Variants in KLHL18 observed in about 807,000 individuals in gnomAD.
KLHL18 encodes kelch like family member 18.
A neutral mutation model predicts 58.5 loss-of-function variants in KLHL18; 38 were observed. The ratio of observed to expected loss-of-function variants is 0.65; its 90% confidence interval spans 0.50 to 0.85. The LOEUF (loss-of-function observed/expected upper bound fraction) is 0.85. Ranked by LOEUF, KLHL18 falls within the 40% of genes least tolerant of loss-of-function variation. The probability of loss-of-function intolerance (pLI) is 0.00; values close to 1 mark genes in which losing one functional copy is unlikely to be tolerated. For synonymous variants in KLHL18, 303 were observed against 301.9 expected (o/e 1.00, Z -0.04); for missense variants, 624 against 778.4 (o/e 0.80, Z 2.36).
chr3:47,286,037 C>A (rs767790598), intron 1 of KLHL18, among the ~76,000 whole-genome samples: 25 of 148,108 alleles, frequency 1.7e-4, no homozygotes, highest in African/African-American at 6.2e-4. Context: ...AAGACCCTGT[C>A]TCAAAAAAAA....
chr3:47,336,466 A>G (rs1020833627), intron 6 of KLHL18, 69 bp from the exon 7 acceptor site: 23 of 1,335,330 alleles, frequency 1.7e-5, no homozygotes, highest in East Asian at 2.4e-5. Flanking sequence ...CATATAATCA[A>G]TGCCCAATAG....
chr3:47,283,893 CCTGTTGGGCTTTAGCTGGAA>C (rs1225682257), intron 1 of KLHL18, among the ~76,000 whole-genome samples: 3 of 152,142 alleles, frequency 2.0e-5, no homozygotes, highest in Admixed American at 2.0e-4. Flanking sequence ...AGTGGGGCTC[CCTGTTGGGCTTTAGCTGGAA>C]AGCTCTCAGC....
chr3:47,299,265 TTAG>T (rs1702961092), intron 1 of KLHL18, among the ~76,000 whole-genome samples: 1 of 152,224 alleles, frequency 6.6e-6, no homozygotes, highest in African/African-American at 2.4e-5. Context: ...AACATTTAAA[TTAG>T]TAGACTTTAG....
chr3:47,287,588 C>G (rs760047801), intron 1 of KLHL18: 1 of 152,380 alleles, frequency 6.6e-6, no homozygotes, highest in Non-Finnish European at 1.5e-5. Context: ...CAGGTTCAAG[C>G]GATTCTCCTG....
At chr3:47,312,017 C>CT (rs1703313126) in intron 1 of KLHL18, among the ~76,000 whole-genome samples, 1 of 152,222 alleles carries the variant, frequency 6.6e-6, no homozygotes, top group African/African-American at 2.4e-5. Flanking sequence ...GTGGTTTAGT[C>CT]TTTCTCATTT....
chr3:47,323,523 C>T (rs562617585), intron 3 of KLHL18, among the ~76,000 whole-genome samples: 14 of 152,346 alleles, frequency 9.2e-5, no homozygotes, highest in African/African-American at 3.1e-4. Context: ...ATTATACCCC[C>T]ACCTATTTCC....
chr3:47,301,190 A>G (rs1341467082), intron 1 of KLHL18, among the ~76,000 whole-genome samples: 2 of 151,828 alleles, frequency 1.3e-5, no homozygotes, highest in Non-Finnish European at 2.9e-5. Context: ...TTGTCTTTTA[A>G]TTCTAACTGG....
At chr3:47,308,003 G>A (rs1416862459) in intron 1 of KLHL18, among the ~76,000 whole-genome samples, 2 of 151,960 alleles carry the variant, frequency 1.3e-5, no homozygotes, top group Admixed American at 6.6e-5. Context: ...ATTTTTGGGG[G>A]GGATTAATTT....
chr3:47,339,956 A>C (rs1704072553), intron 7 of KLHL18, among the ~76,000 whole-genome samples: 1 of 152,144 alleles, frequency 6.6e-6, no homozygotes, highest in Non-Finnish European at 1.5e-5. Context: ...GCTGAAGTGC[A>C]GGAAGATCAA....
intron 1 of KLHL18, among the ~76,000 whole-genome samples, chr3:47,318,795 G>A (rs758650392): frequency 6.6e-6 from 1 of 152,112 alleles, no homozygotes. Context: ...GGCTGGGTGC[G>A]GTGGCTCACG....
intron 1 of KLHL18, among the ~76,000 whole-genome samples, chr3:47,298,764 T>G (rs1382835431): frequency 6.6e-6 from 1 of 152,186 alleles, no homozygotes; most frequent in East Asian, 1.9e-4. Flanking sequence ...ATTTGTTGTC[T>G]CTCATTTTGA....
At chr3:47,333,352 A>G (rs774775785) in intron 5 of KLHL18, 35 bp downstream of exon 5, 48 of 1,599,572 alleles carry the variant, frequency 3.0e-5, no homozygotes, top group Non-Finnish European at 3.7e-5. Context: ...GACACTGCCA[A>G]AGGTCTAAGC....
chr3:47,300,502 A>C (rs1286275024), intron 1 of KLHL18, among the ~76,000 whole-genome samples: 1 of 150,372 alleles, frequency 6.7e-6, no homozygotes, highest in Non-Finnish European at 1.5e-5. Flanking sequence ...TCCTGGGCTC[A>C]AGACCAGCTG....
intron 1 of KLHL18, among the ~76,000 whole-genome samples, chr3:47,297,242 A>G (rs1337731036): frequency 6.6e-6 from 1 of 152,152 alleles, no homozygotes; most frequent in East Asian, 1.9e-4. Flanking sequence ...GACTGAGCCC[A>G]GTATGTTTTA....
At chr3:47,342,852 G>T (rs766559636) in intron 9 of KLHL18, 22 bp downstream of exon 9, 6 of 1,524,952 alleles carry the variant, frequency 3.9e-6, no homozygotes, top group Non-Finnish European at 4.6e-6. Context: ...CTCCCCCTGG[G>T]ATAAGGGTAC....
At chr3:47,324,294 C>CTTTTTTTTT (rs1559498832) in intron 3 of KLHL18, among the ~76,000 whole-genome samples, 12 of 10,612 alleles carry the variant, frequency 1.1e-3, no homozygotes, top group South Asian at 4.3e-3. Context: ...CTTTTTCTTT[C>CTTTTTTTTT]TTTCTTTTTT....
chr3:47,342,281 G>A (rs1310680193), intron 8 of KLHL18, among the ~76,000 whole-genome samples: 1 of 152,154 alleles, frequency 6.6e-6, no homozygotes, highest in African/African-American at 2.4e-5. Flanking sequence ...GAGGTCAGGG[G>A]TAGGGCACTG....
chr3:47,310,497 C>CT (rs1351537449), intron 1 of KLHL18, among the ~76,000 whole-genome samples: 1 of 152,136 alleles, frequency 6.6e-6, no homozygotes, highest in East Asian at 1.9e-4. Context: ...CCTGAATGAT[C>CT]TTTTTTCTGT....
chr3:47,286,947 T>A (rs894106526), intron 1 of KLHL18, among the ~76,000 whole-genome samples: 2 of 152,202 alleles, frequency 1.3e-5, no homozygotes, highest in Non-Finnish European at 2.9e-5. Flanking sequence ...AGAGTAAACC[T>A]CCAGTCTTCT....
Sources: allele counts gnomAD v4.1 joint callset (sites outside exome capture counted in the v4.1 genomes callset), GRCh38; gene constraint gnomAD v4.1.1; transcripts MANE v1.5; gene names NCBI Gene and HGNC (gene_info 2026-07-23, HGNC 2026-07-21).